SF1: variants seen among roughly 807,000 people sequenced by gnomAD.
SF1 encodes splicing factor 1, also known as branch point-binding protein.
SF1 carries 7 observed loss-of-function variants against 62.5 expected under a neutral mutation model. The ratio of observed to expected loss-of-function variants is 0.11; its 90% CI spans 0.06 to 0.21. SF1 has a LOEUF of 0.21. Ranked by LOEUF, SF1 falls within the 10% of genes least tolerant of loss-of-function variation. The pLI is 1.00. For missense variants in SF1, 578 were observed against 884.0 expected, an observed-to-expected ratio of 0.65 and a Z score of 4.39; for synonymous variants, 394 against 323.6, an observed-to-expected ratio of 1.22 and a Z score of -2.33.
intron 10 of SF1, 135 bp from the exon 11 acceptor site, chr11:64,767,386 C>A: frequency 9.4e-7 from 1 of 1,062,610 alleles, no homozygotes; most frequent in Non-Finnish European, 1.4e-6. Context: ...CTGTGCTTAC[C>A]CAACACAGAA....
chr11:64,771,211 CTCAT>C (rs1182436979), intron 3 of SF1, among the ~76,000 whole-genome samples: 2 of 152,142 alleles, frequency 1.3e-5, no homozygotes, highest in Non-Finnish European at 2.9e-5. Flanking sequence ...TTTTCTCTCT[CTCAT>C]TTTTTTAAGG....
intron 3 of SF1, chr11:64,771,756 T>C (rs1938357604): frequency 1.0e-6 from 1 of 985,068 alleles, no homozygotes; most frequent in African/African-American, 1.7e-5. Flanking sequence ...ATGTTTTTAC[T>C]GTGCAAGTTA....
intron 1 of SF1, 138 bp downstream of exon 1, chr11:64,778,224 C>A: frequency 1.8e-5 from 21 of 1,171,882 alleles, no homozygotes; most frequent in Non-Finnish European, 2.2e-5. Context: ...GTCAGGGCCC[C>A]CATCGAGCCC....
At chr11:64,778,068 G>A (rs1488204223) in intron 1 of SF1, 5 of 990,136 alleles carry the variant, frequency 5.0e-6, no homozygotes, top group East Asian at 9.5e-5. Context: ...GACACGCGCT[G>A]GTAGAGCGGC....
chr11:64,766,987 G>C lies in SF1; in HGVS notation c.1495C>G (p.Pro499Ala), dbSNP rs750592249. The C allele has an allele frequency of 1.3e-6, 2 of 1,517,804 alleles. No homozygotes were observed. Among genetic ancestry groups the C allele is most frequent in the South Asian group, 2.7e-5 (2 of 74,730 alleles). 94.0% of individuals were successfully genotyped at this position (1,517,804 alleles called of 1,614,324 possible). ...GGCTGCTGCTGCTGTTGTTGCCATG[G>C]GGGAAGAGGACCAGAGGGAGGGGGT... ...PPPPPSGPLP[P>A]WQQQQQQPPP... is the part of the protein sequence containing the mutation. Residue 499 changes from proline (P) to alanine (A), a missense_variant, in exon 12 of 13, where the codon CCA becomes GCA. Around this residue, in one of 7 missense-constraint regions of SF1, gnomAD observed 410 missense variants for 452.4 expected, o/e 0.91. Transcript: ENST00000377390.
rs138366036 is a variant in SF1, at chr11:64,776,565, T to C, written c.93A>G (p.Thr31=). ...RWNQDTMEQK[T]VIPGMPTVIP... is the part of the protein sequence containing the mutation. ...TAACTGTAGGCATTCCTGGAATCAC[T>C]GTCTTCTGTTCCATTGTGTCTTGGT... is the stretch of plus-strand genomic sequence containing the variant. The change falls in exon 2 of 13, where the codon ACA becomes ACG. Residue 31 remains threonine, a synonymous_variant. Transcript: ENST00000377390. The C allele has an allele frequency of 5.2e-5, 83 of 1,584,608 alleles. No individual in the cohort carries two copies. In the African/African-American group the frequency reaches 1.0e-3, roughly 19 times the overall value.
At chr11:64,773,127 G>T (rs58571986) in intron 3 of SF1, 51 of 1,191,894 alleles carry the variant, frequency 4.3e-5, no homozygotes, top group African/African-American at 3.1e-4. Flanking sequence ...GCAGGTTAAC[G>T]GGCCACCTCA....
rs112795955 is a variant in SF1, at chr11:64,772,803, G to GA, written c.236+626dup. On this transcript the variant is annotated intron_variant, in intron 3 of 12. Coordinates refer to ENST00000377390, the MANE Select transcript of SF1 (RefSeq NM_004630.4). ...GTTTGAGGCCCACGCTCCCTTTAAGGAAAAAAAAAAAGTAATTTAGGGTTG... is the reference window on the plus strand; with the variant it reads ...GTTTGAGGCCCACGCTCCCTTTAAGGAAAAAAAAAAAAGTAATTTAGGGTTG... The GA allele has an allele frequency of 5.6e-3, 4,046 of 721,010 alleles. 3 individuals are homozygous for GA. The highest frequency in any genetic ancestry group is 0.012 in the African/African-American group (619 of 50,566). The allele number at this position is 721,010 out of a possible 1,614,324, so 44.7% of individuals were successfully genotyped here.
In SF1 at chr11:64,766,942, T is replaced by TGGGCGGAGGGGG; in HGVS notation, c.1528_1539dup (p.Pro510_Pro513dup). On this transcript the variant is annotated inframe_insertion, in exon 12 of 13. Transcript: ENST00000377390. ...GGGGTACTGGAAGCCATACTGCTGC[T>TGGGCGGAGGGGG]GGGCGGAGGGGGTGGCGGAGGCTGC... 1 of 1,435,374 alleles carries TGGGCGGAGGGGG rather than the reference T, an allele frequency of 7.0e-7. No homozygotes were observed. Among genetic ancestry groups the TGGGCGGAGGGGG allele is most frequent in the Non-Finnish European group, 9.2e-7 (1 of 1,086,490 alleles). 88.9% of individuals were successfully genotyped at this position (1,435,374 alleles called of 1,614,324 possible). A position where few individuals can be genotyped will look rare whatever the true frequency, so the allele number is the denominator to read the frequency against.
chr11:64,765,561 G>A lies in SF1; in HGVS notation c.*257C>T. On this transcript the variant is annotated 3_prime_UTR_variant, in exon 13 of 13. Coordinates refer to ENST00000377390, the MANE Select transcript of SF1 (RefSeq NM_004630.4). ...GGAGAGGCAAAGGGAGTTGGGTGAG[G>A]AGAGAAAGAAGACAAAGAAGACACT... 1.3e-6 allele frequency: 2 copies of A among 1,571,912 alleles called. No individual in the cohort carries two copies. The highest frequency in any genetic ancestry group is 1.7e-6 in the Non-Finnish European group (2 of 1,162,678).
intron 1 of SF1, 152 bp downstream of exon 1, chr11:64,778,210 C>T: frequency 1.8e-6 from 2 of 1,126,528 alleles, no homozygotes; most frequent in Non-Finnish European, 2.2e-6. Context: ...AGGGGAAGGC[C>T]GCGGTCAGGG....
chr11:64,765,294 GAA>G lies in SF1; in HGVS notation c.*522_*523del. ...CTCCTTGGACGGAGTCTGAAGAAAG[GAA>G]AAGATAAAGAAGTAACAAAGGAAAA... On this transcript the variant is annotated 3_prime_UTR_variant, in exon 13 of 13. Coordinates refer to ENST00000377390, the MANE Select transcript of SF1 (RefSeq NM_004630.4). 1 of 623,238 alleles carries G rather than the reference GAA, an allele frequency of 1.6e-6. No individual in the cohort carries two copies. Among genetic ancestry groups the G allele is most frequent in the Non-Finnish European group, 2.9e-6 (1 of 343,952 alleles). 38.6% of individuals were successfully genotyped at this position (623,238 alleles called of 1,614,324 possible).
At chr11:64,766,715 A>C in intron 12 of SF1, 185 bp downstream of exon 12, 1 of 482,674 alleles carries the variant, frequency 2.1e-6, no homozygotes, top group Non-Finnish European at 3.6e-6. Flanking sequence ...AACCACACCA[A>C]ACATCAGCTC....
chr11:64,771,562 G>A (rs1938326188), intron 3 of SF1: 7 of 985,212 alleles, frequency 7.1e-6, no homozygotes, highest in South Asian at 9.4e-5. Flanking sequence ...GTCACACCAC[G>A]TTACACACAC....
In SF1 at chr11:64,765,991, G is replaced by C; in HGVS notation, c.1747C>G (p.Pro583Ala). The change falls in exon 13 of 13, where the codon CCC becomes GCC. Residue 583 changes from proline to alanine, a missense_variant. This residue lies in a region of SF1 where 410 missense variants were observed against 452.4 expected (regional missense o/e 0.91). Coordinates refer to ENST00000377390, the MANE Select transcript of SF1 (RefSeq NM_004630.4). ...CCAGGCGGTGGAGGCGGCGGAGGGGGAGGGGCCCCAGGCGGCAGAGGCGGC... is the reference window on the plus strand; with the variant it reads ...CCAGGCGGTGGAGGCGGCGGAGGGGCAGGGGCCCCAGGCGGCAGAGGCGGC... ...VQPPLPPGAPPPPPPPPPGSA... is the reference protein window; with the variant it reads ...VQPPLPPGAPAPPPPPPPGSA... The C allele has an allele frequency of 6.2e-7, 1 of 1,603,452 alleles. No homozygotes were observed.
chr11:64,778,025 CGCGGCGGCTGGGGTG>C (rs920106428), intron 1 of SF1: 31 of 1,007,056 alleles, frequency 3.1e-5, no homozygotes, highest in Admixed American at 1.2e-4. Context: ...CTGGTCCTTA[CGCGGCGGCTGGGGTG>C]GCGGCGGCTG....
At position 64,768,196 on chromosome 11, in the gene SF1, T is replaced by C. The variant is rs371745498; in HGVS notation, c.978A>G (p.Pro326=). The C allele has an allele frequency of 3.7e-6, 6 of 1,614,022 alleles. No homozygotes were observed. Among genetic ancestry groups the C allele is most frequent in the Non-Finnish European group, 4.2e-6 (5 of 1,179,956 alleles). The change falls in exon 9 of 13, where the codon CCA becomes CCG. Residue 326 remains proline (P), a synonymous_variant. Coordinates refer to ENST00000377390, the MANE Select transcript of SF1 (RefSeq NM_004630.4). ...LMAELGEAPV[P]ASVGSTSGPA... ...GCCCAGAGGTGGAGCCCACAGATGC[T>C]GGGACAGGTGCTTCACCCAGTTCAG...
chr11:64,771,599 A>G, intron 3 of SF1: 1 of 985,460 alleles, frequency 1.0e-6, no homozygotes, highest in Non-Finnish European at 1.2e-6. Context: ...AGGTTTGTTC[A>G]TGGCTAATGA....
chr11:64,765,836 CGGT>C lies in SF1; in HGVS notation c.1899_1901del (p.Pro637del). On this transcript the variant is annotated inframe_deletion, in exon 13 of 13. Coordinates refer to ENST00000377390, the MANE Select transcript of SF1 (RefSeq NM_004630.4). ...AACAAGTCTAGTTCTGTGGTGGAGG[CGGT>C]GGGGGAGCTGGAGGCATCCCGAAGG... The C allele has an allele frequency of 1.3e-6, 2 of 1,551,764 alleles. No individual in the cohort carries two copies. Among genetic ancestry groups the C allele is most frequent in the Non-Finnish European group, 1.7e-6 (2 of 1,148,452 alleles).
Sources: allele counts gnomAD v4.1 joint callset (sites outside exome capture counted in the v4.1 genomes callset), GRCh38; gene constraint gnomAD v4.1.1; regional missense constraint gnomAD v4.1.1; transcripts MANE v1.5; gene names NCBI Gene and HGNC (gene_info 2026-07-23, HGNC 2026-07-21).